Variants in GNA14 observed in about 807,000 individuals in gnomAD.
GNA14 encodes guanine nucleotide-binding protein subunit alpha-14.
In GNA14, 50 loss-of-function variants were observed where a neutral mutation model predicts 42.0. That is an observed-to-expected ratio of 1.19 (90% CI 0.95 to 1.51). GNA14 has a LOEUF of 1.51. Ranked by LOEUF, GNA14 falls within the 40% of genes most tolerant of loss-of-function variation. The pLI, the probability that GNA14 is intolerant of heterozygous loss-of-function variation, is 0.00. For synonymous variants in GNA14, 173 were observed against 163.1 expected (o/e 1.06, Z -0.46); for missense variants, 473 against 446.2 (o/e 1.06, Z -0.54).
intron 2 of GNA14, among the ~76,000 whole-genome samples, chr9:77,493,829 AC>A (rs1836826897): frequency 6.6e-6 from 1 of 152,218 alleles, no homozygotes. Context: ...TTGAAGTATG[AC>A]TTTAGCTGAA....
intron 5 of GNA14, among the ~76,000 whole-genome samples, chr9:77,426,080 G>A (rs976486967): frequency 6.6e-6 from 1 of 152,174 alleles, no homozygotes; most frequent in Non-Finnish European, 1.5e-5. Context: ...ACTAAGTGGG[G>A]AAGTGCCAGC....
intron 1 of GNA14, among the ~76,000 whole-genome samples, chr9:77,550,849 A>G (rs1300997638): frequency 6.6e-6 from 1 of 152,206 alleles, no homozygotes; most frequent in Non-Finnish European, 1.5e-5. Flanking sequence ...TAAGATGGTC[A>G]CCTTCGTATT....
At chr9:77,570,992 C>G (rs117273178) in intron 1 of GNA14, among the ~76,000 whole-genome samples, 5,775 of 152,174 alleles carry the variant, frequency 0.038, 120 homozygotes, top group South Asian at 0.065. Flanking sequence ...AAGTGCTAGG[C>G]ATACCTTACT....
chr9:77,490,455 T>C (rs964321733), intron 2 of GNA14, among the ~76,000 whole-genome samples: 3 of 152,208 alleles, frequency 2.0e-5, no homozygotes, highest in African/African-American at 7.2e-5. Context: ...TCGGGGAGGC[T>C]CAGGCTGCAC....
At chr9:77,570,566 C>T (rs1823044586) in intron 1 of GNA14, among the ~76,000 whole-genome samples, 1 of 152,146 alleles carries the variant, frequency 6.6e-6, no homozygotes, top group Non-Finnish European at 1.5e-5. Context: ...TAGCGTGCAT[C>T]AGTACTTCAT....
intron 1 of GNA14, among the ~76,000 whole-genome samples, chr9:77,566,485 C>A (rs1186876142): frequency 6.6e-6 from 1 of 152,140 alleles, no homozygotes; most frequent in East Asian, 1.9e-4. Context: ...GATCTTAAGT[C>A]ATGGAATTGC....
intron 2 of GNA14, among the ~76,000 whole-genome samples, chr9:77,483,360 C>CGAACAGCGGTGGCTGTA (rs1187995926): frequency 2.0e-5 from 3 of 152,126 alleles, no homozygotes; most frequent in Admixed American, 1.3e-4. Context: ...CAGTGGCTGC[C>CGAACAGCGGTGGCTGTA]GAACAGCGGT....
chr9:77,644,437 C>CCAAAAAAAAAAAAAAAAAAAAAA (rs778013639), intron 1 of GNA14, among the ~76,000 whole-genome samples: 12 of 34,022 alleles, frequency 3.5e-4, no homozygotes, highest in Admixed American at 1.2e-3. Flanking sequence ...TAAAGAGTGT[C>CCAAAAAAAAAAAAAAAAAAAAAA]AAAAAAAAAA....
intron 1 of GNA14, among the ~76,000 whole-genome samples, chr9:77,570,317 A>C (rs969680690): frequency 6.6e-6 from 1 of 152,166 alleles, no homozygotes; most frequent in Non-Finnish European, 1.5e-5. Context: ...GCATCACCAC[A>C]ATCTCATTTT....
chr9:77,461,249 G>A (rs1206166668), intron 2 of GNA14, among the ~76,000 whole-genome samples: 3 of 152,210 alleles, frequency 2.0e-5, no homozygotes, highest in Non-Finnish European at 1.5e-5. Context: ...ACCAGCATGG[G>A]AGCAAGAGAG....
chr9:77,427,929 G>A (rs1835477997), intron 5 of GNA14, among the ~76,000 whole-genome samples: 1 of 152,204 alleles, frequency 6.6e-6, no homozygotes, highest in Non-Finnish European at 1.5e-5. Flanking sequence ...TAGGAAGCCT[G>A]TGCCCAGGTA....
chr9:77,548,515 T>C (rs760234126), intron 1 of GNA14, among the ~76,000 whole-genome samples: 1 of 152,150 alleles, frequency 6.6e-6, no homozygotes, highest in South Asian at 2.1e-4. Flanking sequence ...GGGTCAACAC[T>C]CTTAAATTGG....
chr9:77,455,288 G>C (rs1453288752), intron 2 of GNA14, among the ~76,000 whole-genome samples: 1 of 152,200 alleles, frequency 6.6e-6, no homozygotes, highest in Non-Finnish European at 1.5e-5. Flanking sequence ...CTTCTTCAAG[G>C]CTAGCAGAGA....
intron 2 of GNA14, among the ~76,000 whole-genome samples, chr9:77,504,657 C>T (rs1261951037): frequency 1.2e-4 from 16 of 138,470 alleles, no homozygotes; most frequent in African/African-American, 3.2e-4. Context: ...GAAGTCTGGC[C>T]GACTTTTTTT....
chr9:77,428,902 C>A lies in GNA14; in HGVS notation c.723+5G>T, dbSNP rs200134648. ...ACAGCTACCCAAACTTCCCGCCCAG[C>A]ATACCTCGTTGTCACACTCAGCCAG... On this transcript the variant is annotated splice_donor_5th_base_variant and intron_variant, in intron 5 of 6. Transcript: ENST00000341700. 9.3e-6 allele frequency: 15 copies of A among 1,612,800 alleles called. No individual in the cohort carries two copies. The highest frequency in any genetic ancestry group is 5.3e-5 in the African/African-American group (4 of 74,882).
At chr9:77,467,656 T>TG (rs1836260717) in intron 2 of GNA14, among the ~76,000 whole-genome samples, 1 of 150,850 alleles carries the variant, frequency 6.6e-6, no homozygotes, top group Non-Finnish European at 1.5e-5. Flanking sequence ...TCTCCTTTTT[T>TG]TTTTTTTTTT....
intron 2 of GNA14, among the ~76,000 whole-genome samples, chr9:77,505,495 T>A (rs989748677): frequency 2.0e-5 from 3 of 152,230 alleles, no homozygotes; most frequent in African/African-American, 7.2e-5. Context: ...CTGGAAGTCC[T>A]TCATGGCAGG....
chr9:77,438,831 T>C (rs553673280), intron 2 of GNA14, among the ~76,000 whole-genome samples: 100 of 152,232 alleles, frequency 6.6e-4, no homozygotes, highest in Admixed American at 1.5e-3. Context: ...ACCTTATCTC[T>C]AGAGACTTAG....
At chr9:77,470,264 C>G (rs969633708) in intron 2 of GNA14, among the ~76,000 whole-genome samples, 2 of 152,148 alleles carry the variant, frequency 1.3e-5, no homozygotes, top group Admixed American at 6.5e-5. Context: ...AGGACATGGG[C>G]TGACACCAGG....
Sources: allele counts gnomAD v4.1 joint callset (sites outside exome capture counted in the v4.1 genomes callset), GRCh38; gene constraint gnomAD v4.1.1; transcripts MANE v1.5; gene names NCBI Gene and HGNC (gene_info 2026-07-23, HGNC 2026-07-21).